Variants in CLEC3B observed in about 807,000 individuals in gnomAD.
The protein encoded by CLEC3B is C-type lectin domain family 3 member B.
In CLEC3B, 13 loss-of-function variants were observed where a neutral mutation model predicts 15.4. That is an observed-to-expected ratio of 0.84 (90% CI 0.55 to 1.34). CLEC3B has a LOEUF of 1.34. CLEC3B is among the 40% of genes most tolerant of loss of function. CLEC3B has a pLI of 0.00. For synonymous variants in CLEC3B, 112 were observed against 114.7 expected, an observed-to-expected ratio of 0.98 and a Z score of 0.15; for missense variants, 242 against 268.6, an observed-to-expected ratio of 0.90 and a Z score of 0.69.
chr3:45,031,757 G>A (rs1000542915), intron 2 of CLEC3B, among the ~76,000 whole-genome samples: 2 of 152,088 alleles, frequency 1.3e-5, no homozygotes, highest in Non-Finnish European at 2.9e-5. Flanking sequence ...ACATACCTCC[G>A]ATTTACCTAC....
At chr3:45,035,358 A>T (rs1450757153) in intron 2 of CLEC3B, among the ~76,000 whole-genome samples, 166 bp from the exon 3 acceptor site, 1 of 152,148 alleles carries the variant, frequency 6.6e-6, no homozygotes, top group South Asian at 2.1e-4. Flanking sequence ...CCAGGTCCTC[A>T]AAGTGCATGA....
Position 45,035,648 on chromosome 3 carries a change from C to T in CLEC3B, c.333C>T (p.Gly111=), listed in dbSNP as rs1473301110. Residue 111 remains glycine (G), a synonymous_variant, in exon 3 of 3, where the codon GGC becomes GGT. Coordinates refer to ENST00000296130, the MANE Select transcript of CLEC3B (RefSeq NM_003278.3). ...RGGTLGTPQT[G]SENDALYEYL... is the part of the protein sequence containing the mutation. ...GCACCCTGGGCACCCCTCAGACTGG[C>T]TCGGAGAACGACGCCCTGTATGAGT... is the stretch of plus-strand genomic sequence containing the variant. 6.2e-7 allele frequency: 1 copy of T among 1,613,828 alleles called. No homozygotes were observed.
intron 2 of CLEC3B, 51 bp downstream of exon 2, chr3:45,030,976 C>T: frequency 7.8e-7 from 1 of 1,283,920 alleles, no homozygotes; most frequent in Non-Finnish European, 1.1e-6. Context: ...GAGAAGGGCC[C>T]AGGCCAGCAG....
chr3:45,034,524 T>G (rs1467916522), intron 2 of CLEC3B: 1 of 152,198 alleles, frequency 6.6e-6, no homozygotes, highest in Non-Finnish European at 1.5e-5. Context: ...GTCAAGATAT[T>G]CCTTTCCACA....
At chr3:45,029,811 C>A (rs1223845676) in intron 1 of CLEC3B, among the ~76,000 whole-genome samples, 1 of 152,190 alleles carries the variant, frequency 6.6e-6, no homozygotes, top group African/African-American at 2.4e-5. Context: ...AAATATGCTT[C>A]CCGGCACCCT....
intron 2 of CLEC3B, among the ~76,000 whole-genome samples, chr3:45,032,901 G>A (rs1697582580): frequency 6.6e-6 from 1 of 152,228 alleles, no homozygotes; most frequent in South Asian, 2.1e-4. Context: ...GCAAGAAGGA[G>A]GAAGAGTAGC....
At chr3:45,026,503 TC>T in intron 1 of CLEC3B, 32 bp downstream of exon 1, 2 of 1,582,876 alleles carry the variant, frequency 1.3e-6, no homozygotes, top group Non-Finnish European at 1.7e-6. Context: ...TGTGCCATCT[TC>T]CAGGGAGCAG....
chr3:45,033,394 A>G (rs539930539), intron 2 of CLEC3B, among the ~76,000 whole-genome samples: 2 of 152,262 alleles, frequency 1.3e-5, no homozygotes, highest in Admixed American at 1.3e-4. Context: ...CACAACCCAA[A>G]GATCACCTTT....
At chr3:45,030,402 C>T (rs1034430480) in intron 1 of CLEC3B, among the ~76,000 whole-genome samples, 3 of 152,216 alleles carry the variant, frequency 2.0e-5, no homozygotes, top group Non-Finnish European at 4.4e-5. Flanking sequence ...ATGCGTGCCC[C>T]AGGCTGGAGT....
In CLEC3B at chr3:45,035,591, C is replaced by T. The variant is rs1458527599; in HGVS notation, c.276C>T (p.His92=). Residue 92 remains histidine, a synonymous_variant, in exon 3 of 3, where the codon CAC becomes CAT. Coordinates refer to ENST00000296130, the MANE Select transcript of CLEC3B (RefSeq NM_003278.3). ...FLAFTQTKTF[H]EASEDCISRG... ...CCTTCACCCAGACGAAGACCTTCCA[C>T]GAGGCCAGCGAGGACTGCATCTCGC... The T allele has an allele frequency of 1.2e-6, 2 of 1,614,018 alleles. No individual in the cohort carries two copies. The highest frequency in any genetic ancestry group is 1.7e-6 in the Non-Finnish European group (2 of 1,179,976).
At chr3:45,030,691 G>T (rs1697541043) in intron 1 of CLEC3B, 136 bp from the exon 2 acceptor site, 7 of 634,730 alleles carry the variant, frequency 1.1e-5, no homozygotes, top group Non-Finnish European at 1.7e-5. Flanking sequence ...ACTACCACCA[G>T]CAAGGATAGA....
intron 1 of CLEC3B, among the ~76,000 whole-genome samples, chr3:45,029,840 A>C (rs2125979715): frequency 6.6e-6 from 1 of 152,294 alleles, no homozygotes; most frequent in Middle Eastern, 3.4e-3. Context: ...ACACACATAG[A>C]AATATGCTTC....
intron 2 of CLEC3B, among the ~76,000 whole-genome samples, chr3:45,031,658 G>A (rs9872295): frequency 3.3e-5 from 5 of 151,954 alleles, no homozygotes; most frequent in African/African-American, 7.3e-5. Context: ...GGGCCCAGGC[G>A]CATGGTAAGG....
rs1048000919 is a variant in CLEC3B at position 45,035,852 on chromosome 3, G to T, written c.537G>T (p.Ala179=). 5.6e-6 allele frequency: 9 copies of T among 1,612,544 alleles called. No homozygotes were observed. Among genetic ancestry groups the T allele is most frequent in the Non-Finnish European group, 7.6e-6 (9 of 1,179,802 alleles). The part of the protein sequence containing the change: ...KTENCAVLSG[A]ANGKWFDKRC... Reference sequence around the variant, plus strand: ...AGAACTGCGCGGTCCTGTCAGGCGCGGCCAACGGCAAGTGGTTCGACAAGC... The same window carrying T: ...AGAACTGCGCGGTCCTGTCAGGCGCTGCCAACGGCAAGTGGTTCGACAAGC... The change falls in exon 3 of 3, where the codon GCG becomes GCT. Residue 179 remains alanine, a synonymous_variant. Coordinates refer to ENST00000296130, the MANE Select transcript of CLEC3B (RefSeq NM_003278.3).
At chr3:45,031,873 TGC>T (rs1697562554) in intron 2 of CLEC3B, among the ~76,000 whole-genome samples, 1 of 49,500 alleles carries the variant, frequency 2.0e-5, no homozygotes, top group African/African-American at 9.6e-5. Flanking sequence ...TGATGCTTGA[TGC>T]AGACTCACAA....
At chr3:45,033,339 A>G (rs1697590817) in intron 2 of CLEC3B, among the ~76,000 whole-genome samples, 1 of 152,206 alleles carries the variant, frequency 6.6e-6, no homozygotes, top group Non-Finnish European at 1.5e-5. Flanking sequence ...GCTGATTTCT[A>G]GGAAGCTGCT....
At chr3:45,026,500 T>C (rs1576040729) in intron 1 of CLEC3B, 29 bp downstream of exon 1, 2 of 1,587,754 alleles carry the variant, frequency 1.3e-6, no homozygotes, top group Middle Eastern at 1.7e-4. Flanking sequence ...CCCTGTGCCA[T>C]CTTCCAGGGA....
Position 45,035,714 on chromosome 3 carries a change from G to A in CLEC3B, c.399G>A (p.Leu133=). 6.2e-7 allele frequency: 1 copy of A among 1,613,876 alleles called. No homozygotes were observed. Among genetic ancestry groups the A allele is most frequent in the Non-Finnish European group, 8.5e-7 (1 of 1,180,022 alleles). The part of the protein sequence containing the change: ...QSVGNEAEIW[L]GLNDMAAEGT... ...TGGGCAACGAGGCCGAGATCTGGCT[G>A]GGCCTCAACGACATGGCGGCCGAGG... Residue 133 remains leucine (L), a synonymous_variant, in exon 3 of 3, where the codon CTG becomes CTA. Coordinates refer to ENST00000296130, the MANE Select transcript of CLEC3B (RefSeq NM_003278.3).
At chr3:45,028,401 C>T (rs1478757391) in intron 1 of CLEC3B, among the ~76,000 whole-genome samples, 2 of 152,090 alleles carry the variant, frequency 1.3e-5, no homozygotes, top group South Asian at 2.1e-4. Flanking sequence ...ACTAAAAATA[C>T]AAAAATTAGC....
Sources: allele counts gnomAD v4.1 joint callset (sites outside exome capture counted in the v4.1 genomes callset), GRCh38; gene constraint gnomAD v4.1.1; transcripts MANE v1.5; gene names NCBI Gene and HGNC (gene_info 2026-07-23, HGNC 2026-07-21).